Variants in GOLGA1 observed in about 807,000 individuals in gnomAD.
The protein encoded by GOLGA1 is golgin subfamily A member 1.
In GOLGA1, 63 loss-of-function variants were observed where a neutral mutation model predicts 119.7. The observed-to-expected ratio is 0.53, with a 90% CI of 0.43 to 0.65. The LOEUF (loss-of-function observed/expected upper bound fraction) is 0.65, where lower values mean the gene tolerates loss of function less well. GOLGA1 is among the 30% of genes least tolerant of loss of function. The pLI is 0.00. For synonymous variants in GOLGA1, 318 were observed against 333.4 expected (o/e 0.95, Z 0.50); for missense variants, 798 against 912.8 (o/e 0.87, Z 1.62).
chr9:124,899,876 T>G (rs1003957685), intron 13 of GOLGA1, among the ~76,000 whole-genome samples: 1 of 152,228 alleles, frequency 6.6e-6, no homozygotes, highest in African/African-American at 2.4e-5. Context: ...ATTCTGCCAT[T>G]TACTGGCTGC....
chr9:124,898,382 G>C (rs1830023386), intron 15 of GOLGA1, among the ~76,000 whole-genome samples, 167 bp downstream of exon 15: 1 of 152,198 alleles, frequency 6.6e-6, no homozygotes, highest in African/African-American at 2.4e-5. Flanking sequence ...CTGGATCCCT[G>C]AGAGAACTTA....
At chr9:124,882,429 G>C (rs989123481) in intron 20 of GOLGA1, 81 bp downstream of exon 20, 1 of 986,072 alleles carries the variant, frequency 1.0e-6, no homozygotes, top group African/African-American at 1.6e-5. Flanking sequence ...ATAGTCAGGC[G>C]GCGAGGGACC....
chr9:124,931,896 T>C (rs996106943), intron 3 of GOLGA1, among the ~76,000 whole-genome samples: 1 of 152,230 alleles, frequency 6.6e-6, no homozygotes. Flanking sequence ...CTTCAGCAGA[T>C]AATATGCATT....
At chr9:124,916,646 G>A (rs560638706) in intron 10 of GOLGA1, among the ~76,000 whole-genome samples, 1 of 152,162 alleles carries the variant, frequency 6.6e-6, no homozygotes, top group South Asian at 2.1e-4. Flanking sequence ...GGCTGAGGCA[G>A]GAGGATTGCT....
Position 124,881,990 on chromosome 9 carries a change from C to T in GOLGA1, c.1966-36G>A. ...AGTGGGAAAGATGCTACACCGAACC[C>T]TCTGAGACAGGTGGAAAAAATCACA... On this transcript the variant is annotated intron_variant, in intron 20 of 22. Coordinates refer to ENST00000373555, the MANE Select transcript of GOLGA1 (RefSeq NM_002077.4). The surrounding 1 kb of genome is among the most constrained non-coding windows in gnomAD (Gnocchi z 4.9). The T allele has an allele frequency of 6.7e-7, 1 of 1,489,152 alleles. No individual in the cohort carries two copies. Among genetic ancestry groups the T allele is most frequent in the Non-Finnish European group, 9.1e-7 (1 of 1,095,742 alleles). 92.2% of individuals were successfully genotyped at this position (1,489,152 alleles called of 1,614,324 possible).
At chr9:124,922,290 C>T (rs1454934861) in intron 8 of GOLGA1, among the ~76,000 whole-genome samples, 1 of 151,200 alleles carries the variant, frequency 6.6e-6, no homozygotes, top group Non-Finnish European at 1.5e-5. Context: ...CGGTGGCTCA[C>T]GCCTGTAATC....
chr9:124,922,675 G>T (rs1416709359), intron 8 of GOLGA1, among the ~76,000 whole-genome samples: 1 of 151,854 alleles, frequency 6.6e-6, no homozygotes, highest in Non-Finnish European at 1.5e-5. Context: ...TAAAGTGGGA[G>T]GACAGCTTGA....
intron 7 of GOLGA1, among the ~76,000 whole-genome samples, chr9:124,924,755 C>T (rs1420985354): frequency 1.3e-5 from 2 of 150,954 alleles, no homozygotes; most frequent in Admixed American, 6.6e-5. Context: ...AAAGTAGCTT[C>T]GAAGACCTAT....
At position 124,888,979 on chromosome 9, in the gene GOLGA1, G is replaced by A. The variant is rs1034902387; in HGVS notation, c.1761+164C>T. On this transcript the variant is annotated intron_variant, in intron 18 of 22. Transcript: ENST00000373555. The surrounding 1 kb of genome is among the most constrained non-coding windows in gnomAD (Gnocchi z 4.4). ...CTCCCAAAGTGCTGGGATTACAGGCGTGAGCCACTGCGCCTGGCCAAGTGC... is the reference window on the plus strand; with the variant it reads ...CTCCCAAAGTGCTGGGATTACAGGCATGAGCCACTGCGCCTGGCCAAGTGC... Among the ~76,000 whole-genome samples, 1 of 152,204 alleles carries A rather than the reference G, an allele frequency of 6.6e-6. No individual in the cohort carries two copies. The highest frequency in any genetic ancestry group is 1.5e-5 in the Non-Finnish European group (1 of 68,034).
chr9:124,917,979 A>G (rs1055084102), intron 10 of GOLGA1, among the ~76,000 whole-genome samples: 28 of 151,982 alleles, frequency 1.8e-4, no homozygotes, highest in African/African-American at 6.8e-4. Flanking sequence ...CAGCCTCCCA[A>G]GTAGCTGGGA....
intron 15 of GOLGA1, among the ~76,000 whole-genome samples, chr9:124,895,760 C>A (rs1247044272): frequency 6.6e-6 from 1 of 150,968 alleles, no homozygotes; most frequent in East Asian, 2.0e-4. Context: ...CAACAGAGAA[C>A]CTCCACAACA....
chr9:124,894,222 G>A (rs1412928796), intron 15 of GOLGA1, among the ~76,000 whole-genome samples: 2 of 152,136 alleles, frequency 1.3e-5, no homozygotes, highest in East Asian at 1.9e-4. Flanking sequence ...CTCCTTTGGC[G>A]TCTTCTCTGT....
upstream of GOLGA1, chr9:124,941,189 T>G (rs1320710221): frequency 6.6e-6 from 1 of 152,304 alleles, no homozygotes; most frequent in East Asian, 1.9e-4. Flanking sequence ...TTACCACCTC[T>G]GAGCGGCGAC....
At chr9:124,903,547 C>T (rs1158665346) in intron 12 of GOLGA1, among the ~76,000 whole-genome samples, 1 of 150,436 alleles carries the variant, frequency 6.6e-6, no homozygotes, top group Non-Finnish European at 1.5e-5. Flanking sequence ...TGCCTGCAAG[C>T]CAAGCACTTA....
chr9:124,939,076 A>G (rs1840190870), intron 2 of GOLGA1, among the ~76,000 whole-genome samples: 1 of 152,176 alleles, frequency 6.6e-6, no homozygotes, highest in South Asian at 2.1e-4. Flanking sequence ...GTAACCTACC[A>G]AAGATTGTGT....
chr9:124,881,651 T>G lies in GOLGA1; in HGVS notation c.2136+133A>C, dbSNP rs1277067242. On this transcript the variant is annotated intron_variant, in intron 21 of 22. Transcript: ENST00000373555. This position sits in a 1 kb window ranked among gnomAD's most constrained non-coding sequence, Gnocchi z 4.9. ...CGCAGGCCAACGCCAGCAGGAGAAA[T>G]GACTGGGTGACCACAAGGGCGTCAA... is the stretch of plus-strand genomic sequence containing the variant. 3 of 698,466 alleles carry G rather than the reference T, an allele frequency of 4.3e-6. No individual in the cohort carries two copies. The highest frequency in any genetic ancestry group is 2.6e-5 in the East Asian group (1 of 38,868). 43.3% of individuals were successfully genotyped at this position (698,466 alleles called of 1,614,324 possible).
At chr9:124,932,753 G>A (rs1830792781) in intron 3 of GOLGA1, among the ~76,000 whole-genome samples, 1 of 152,168 alleles carries the variant, frequency 6.6e-6, no homozygotes, top group Non-Finnish European at 1.5e-5. Flanking sequence ...AGCCTAGGAA[G>A]TCCAAAATTA....
Position 124,899,390 on chromosome 9 carries a change from G to T in GOLGA1, c.1250C>A (p.Ala417Asp). The change falls in exon 14 of 23, where the codon GCC becomes GAC. Residue 417 changes from alanine to aspartate, a missense_variant. Coordinates refer to ENST00000373555, the MANE Select transcript of GOLGA1 (RefSeq NM_002077.4). ...QFLERTQALE[A>D]QIVALERTRA... Reference sequence around the variant, plus strand: ...CGTTCTCTCCAGGGCCACTATCTGGGCTTCTAGCGCCTGGGTGCGCTCCAA... The same window carrying T: ...CGTTCTCTCCAGGGCCACTATCTGGTCTTCTAGCGCCTGGGTGCGCTCCAA... 1.3e-6 allele frequency: 2 copies of T among 1,549,186 alleles called. No homozygotes were observed. The highest frequency in any genetic ancestry group is 1.7e-6 in the Non-Finnish European group (2 of 1,147,128).
In GOLGA1 at chr9:124,923,211, G is replaced by A. The variant is rs1428860731; in HGVS notation, c.445C>T (p.Leu149=). ...MDQLEKEKNI[L]TAQLQEMKNQ... is the part of the protein sequence containing the mutation. ...TTCATTTCCTGTAACTGGGCTGTCAGAATATTTTTCTCCTATTTGAAAGAA... is the reference window on the plus strand; with the variant it reads ...TTCATTTCCTGTAACTGGGCTGTCAAAATATTTTTCTCCTATTTGAAAGAA... The change falls in exon 8 of 23, where the codon CTG becomes TTG. Residue 149 remains leucine, a synonymous_variant. Coordinates refer to ENST00000373555, the MANE Select transcript of GOLGA1 (RefSeq NM_002077.4). 1.3e-6 allele frequency: 2 copies of A among 1,595,426 alleles called. No individual in the cohort carries two copies. The highest frequency in any genetic ancestry group is 1.7e-6 in the Non-Finnish European group (2 of 1,167,346).
Sources: gnomAD v4.1 joint callset for allele counts (sites outside exome capture counted in the v4.1 genomes callset) on GRCh38, gnomAD v4.1.1 for gene constraint, Gnocchi (gnomAD v3.1) non-coding constraint, MANE v1.5 for transcripts, NCBI Gene and HGNC (gene_info 2026-07-23, HGNC 2026-07-21) for gene names.